PTGFRN: variants seen among roughly 807,000 people sequenced by gnomAD.
PTGFRN encodes prostaglandin F2 receptor inhibitor.
In PTGFRN, 35 loss-of-function variants were observed where a neutral mutation model predicts 83.2. That is an observed-to-expected ratio of 0.42 (90% CI 0.32 to 0.56). The LOEUF (loss-of-function observed/expected upper bound fraction) is 0.56. PTGFRN is among the 20% of genes least tolerant of loss of function. The pLI is 0.11. For synonymous variants in PTGFRN, 519 were observed against 498.6 expected (o/e 1.04, Z -0.55); for missense variants, 1,051 against 1,179.5 (o/e 0.89, Z 1.60).
chr1:116,925,356 G>A (rs1388314813), intron 1 of PTGFRN, among the ~76,000 whole-genome samples: 2 of 152,000 alleles, frequency 1.3e-5, no homozygotes, highest in African/African-American at 2.4e-5. Flanking sequence ...GAACCCAGGA[G>A]GCAGAGGTTG....
At chr1:116,916,133 G>T (rs1649401223) in intron 1 of PTGFRN, among the ~76,000 whole-genome samples, 1 of 152,158 alleles carries the variant, frequency 6.6e-6, no homozygotes, top group South Asian at 2.1e-4. Context: ...ACTCTGTATT[G>T]TGTCACTAAG....
In PTGFRN at chr1:116,984,956, A is replaced by C. The variant is rs1651421606; in HGVS notation, c.2444A>C (p.Lys815Thr). 6.2e-7 allele frequency: 1 copy of C among 1,613,910 alleles called. No homozygotes were observed. Among genetic ancestry groups the C allele is most frequent in the African/African-American group, 1.3e-5 (1 of 74,916 alleles). The change falls in exon 8 of 9, where the codon AAG becomes ACG. Residue 815 changes from lysine (K) to threonine (T), a missense_variant. Coordinates refer to ENST00000393203, the MANE Select transcript of PTGFRN (RefSeq NM_020440.4). Reference protein sequence around the residue: ...SWQKEAEIHSKPVFITVKMDV... With the variant: ...SWQKEAEIHSTPVFITVKMDV... The stretch of plus-strand genomic sequence containing the variant: ...CAGAAGGAGGCAGAGATCCACTCCA[A>C]GCCCGTTTTTATAACTGTGAAGATG...
intron 2 of PTGFRN, among the ~76,000 whole-genome samples, chr1:116,942,817 G>A (rs948579746): frequency 6.6e-6 from 1 of 152,086 alleles, no homozygotes. Flanking sequence ...AGTCCTTTTA[G>A]ATTTACTCAC....
chr1:116,972,099 C>G (rs1383854274), intron 6 of PTGFRN, among the ~76,000 whole-genome samples: 1 of 152,240 alleles, frequency 6.6e-6, no homozygotes, highest in African/African-American at 2.4e-5. Flanking sequence ...ACAGAGCCAA[C>G]TCCAGGCAGT....
chr1:116,910,791 A>G (rs1649250847), intron 1 of PTGFRN, among the ~76,000 whole-genome samples: 1 of 152,144 alleles, frequency 6.6e-6, no homozygotes, highest in African/African-American at 2.4e-5. Flanking sequence ...GGAGCGTTAC[A>G]ATGGAAATCG....
chr1:116,967,359 G>C (rs12410651), intron 6 of PTGFRN, 29 bp downstream of exon 6: 1 of 1,588,754 alleles, frequency 6.3e-7, no homozygotes, highest in Non-Finnish European at 8.6e-7. Context: ...TGAATCATAG[G>C]TGGAGCTAGA....
intron 1 of PTGFRN, among the ~76,000 whole-genome samples, chr1:116,931,306 G>GCACTGTTC (rs1373583976): frequency 6.6e-6 from 1 of 152,122 alleles, no homozygotes; most frequent in Non-Finnish European, 1.5e-5. Context: ...ATGACAGTTT[G>GCACTGTTC]CACTGTTCCA....
chr1:116,959,148 G>A (rs1346509217), intron 4 of PTGFRN, among the ~76,000 whole-genome samples: 3 of 152,222 alleles, frequency 2.0e-5, no homozygotes, highest in Non-Finnish European at 4.4e-5. Flanking sequence ...ACACAGTTGG[G>A]TGGTGTGTGT....
At chr1:116,944,099 T>G (rs1160648841) in intron 2 of PTGFRN, among the ~76,000 whole-genome samples, 1 of 152,238 alleles carries the variant, frequency 6.6e-6, no homozygotes, top group South Asian at 2.1e-4. Context: ...TTCTTGGGCA[T>G]TCCCCAGGCT....
rs1205031281 is a variant in PTGFRN at position 116,958,409 on chromosome 1, C to A, written c.1214-2834C>A. On this transcript the variant is annotated intron_variant, in intron 4 of 8. Transcript: ENST00000393203. The surrounding 1 kb of genome is among the most constrained non-coding windows in gnomAD (Gnocchi z 4.9). ...TTAGAAGACAGTAGGTTTGGTTCAT[C>A]TGTGAGCTAAGGATGCACTTGAAAG... is the stretch of plus-strand genomic sequence containing the variant. 6.6e-6 allele frequency among the ~76,000 whole-genome samples: 1 copy of A among 152,194 alleles called. No homozygotes were observed. Among genetic ancestry groups the A allele is most frequent in the South Asian group, 2.1e-4 (1 of 4,830 alleles).
At position 116,949,279 on chromosome 1, in the gene PTGFRN, A is replaced by T; in HGVS notation, c.920A>T (p.Asp307Val). 1 of 1,614,266 alleles carries T rather than the reference A, an allele frequency of 6.2e-7. No individual in the cohort carries two copies. The highest frequency in any genetic ancestry group is 2.2e-5 in the East Asian group (1 of 44,892). Residue 307 changes from aspartate to valine, a missense_variant, in exon 4 of 9, where the codon GAT (aspartate) becomes GTT (valine). Coordinates refer to ENST00000393203, the MANE Select transcript of PTGFRN (RefSeq NM_020440.4). ...TGTAACATCACAACAGACCGAGCCGATGACGTCCGGCCCGAGGTGACGTGG... is the reference window on the plus strand; with the variant it reads ...TGTAACATCACAACAGACCGAGCCGTTGACGTCCGGCCCGAGGTGACGTGG... Reference protein sequence around the residue: ...LTCNITTDRADDVRPEVTWSF... With the variant: ...LTCNITTDRAVDVRPEVTWSF...
rs1649255943 is a variant in PTGFRN at position 116,910,915 on chromosome 1, C to T, written c.49+663C>T. ...TATTTATACACAAAGACCTAAAAGC[C>T]TGGCTTCTCCAACTTTTTCTACCTG... On this transcript the variant is annotated intron_variant, in intron 1 of 8. Transcript: ENST00000393203. 3.3e-5 allele frequency among the ~76,000 whole-genome samples: 5 copies of T among 152,192 alleles called. No homozygotes were observed. The South Asian group carries it at 1.0e-3, about 32-fold the overall frequency.
intron 4 of PTGFRN, 117 bp downstream of exon 4, chr1:116,949,689 G>C: frequency 7.2e-7 from 1 of 1,386,398 alleles, no homozygotes; most frequent in Non-Finnish European, 9.6e-7. Flanking sequence ...TATTTCTATT[G>C]GTTCATGCAT....
chr1:116,944,806 G>C lies in PTGFRN; in HGVS notation c.546G>C (p.Ala182=), dbSNP rs947637519. Residue 182 remains alanine, a synonymous_variant, in exon 3 of 9, where the codon GCG becomes GCC. Coordinates refer to ENST00000393203, the MANE Select transcript of PTGFRN (RefSeq NM_020440.4). ...ASASPLHTHL[A]LLWEVHRGPA... ...CCTCGCCGCTGCACACGCACCTGGC[G>C]CTGCTGTGGGAGGTGCACCGCGGCC... 4 of 1,569,766 alleles carry C rather than the reference G, an allele frequency of 2.5e-6. No homozygotes were observed. The South Asian group carries it at 4.6e-5, about 18-fold the overall frequency.
At chr1:116,911,353 A>G (rs1015514565) in intron 1 of PTGFRN, among the ~76,000 whole-genome samples, 2 of 152,208 alleles carry the variant, frequency 1.3e-5, no homozygotes, top group African/African-American at 4.8e-5. Flanking sequence ...CACACAGGGC[A>G]AATGATTACT....
At chr1:116,965,744 A>G (rs1457320931) in intron 5 of PTGFRN, among the ~76,000 whole-genome samples, 2 of 152,124 alleles carry the variant, frequency 1.3e-5, no homozygotes, top group African/African-American at 2.4e-5. Context: ...TAACCATACC[A>G]TATATTTTAT....
In PTGFRN at chr1:116,987,214, T is replaced by G; in HGVS notation, c.*247T>G. On this transcript the variant is annotated 3_prime_UTR_variant, in exon 9 of 9. Coordinates refer to ENST00000393203, the MANE Select transcript of PTGFRN (RefSeq NM_020440.4). ...AGTGTGTGTTTTCCCAACTGCAGCT[T>G]TTTAATGGTTAACCTTCATCTAATT... 1 of 451,328 alleles carries G rather than the reference T, an allele frequency of 2.2e-6. No individual in the cohort carries two copies. The highest frequency in any genetic ancestry group is 2.7e-5 in the South Asian group (1 of 36,960). The allele number at this position is 451,328 out of a possible 1,614,324, so 28.0% of individuals were successfully genotyped here.
chr1:116,913,775 A>T (rs1445707344), intron 1 of PTGFRN, among the ~76,000 whole-genome samples: 1 of 152,214 alleles, frequency 6.6e-6, no homozygotes, highest in Non-Finnish European at 1.5e-5. Context: ...ATGGGTAGCC[A>T]TTAAAAGTTT....
intron 1 of PTGFRN, among the ~76,000 whole-genome samples, chr1:116,924,608 A>C (rs1388470911): frequency 2.6e-5 from 4 of 152,154 alleles, no homozygotes; most frequent in African/African-American, 7.2e-5. Flanking sequence ...TCACTTCCCA[A>C]GGTGCTGAGA....
Sources: allele counts gnomAD v4.1 joint callset (sites outside exome capture counted in the v4.1 genomes callset), GRCh38; gene constraint gnomAD v4.1.1; non-coding constraint Gnocchi (gnomAD v3.1); transcripts MANE v1.5; gene names NCBI Gene and HGNC (gene_info 2026-07-23, HGNC 2026-07-21).